The following TANC2 variants were observed in gnomAD, a reference collection of about 807,000 sequenced individuals.
The protein encoded by TANC2 is protein TANC2.
TANC2 carries 26 observed loss-of-function variants against 210.5 expected under a neutral mutation model. That is an observed-to-expected ratio of 0.12 (90% CI 0.09 to 0.17). The LOEUF (loss-of-function observed/expected upper bound fraction) is 0.17. Among genes scored for constraint, TANC2 ranks in the 10% least tolerant of loss-of-function variants. The pLI, the probability that TANC2 is intolerant of heterozygous loss-of-function variation, is 1.00. For missense variants in TANC2, 2,129 were observed against 2,608.9 expected (o/e 0.82, Z 4.01); for synonymous variants, 931 against 967.1 (o/e 0.96, Z 0.69).
intron 2 of TANC2, among the ~76,000 whole-genome samples, chr17:63,055,981 AAAAAAAAAAATAT>A (rs1420410558): frequency 1.3e-3 from 44 of 33,632 alleles, no homozygotes; most frequent in African/African-American, 1.7e-3. Flanking sequence ...AAAAAAAAAA[AAAAAAAAAAATAT>A]ATATATATAT....
chr17:63,148,692 ACTTT>A (rs1312794862), intron 4 of TANC2: 1 of 152,038 alleles, frequency 6.6e-6, no homozygotes, highest in Non-Finnish European at 1.5e-5. Context: ...CATCTCAACC[ACTTT>A]CTTTCTTCTT....
chr17:63,191,568 T>G (rs1227785504), intron 5 of TANC2, among the ~76,000 whole-genome samples: 1 of 151,946 alleles, frequency 6.6e-6, no homozygotes, highest in Non-Finnish European at 1.5e-5. Context: ...GTTCAAGCAG[T>G]TCTCCTGCCT....
intron 7 of TANC2, among the ~76,000 whole-genome samples, chr17:63,217,927 GTAGT>G (rs1275810306): frequency 6.6e-6 from 1 of 152,026 alleles, no homozygotes; most frequent in Non-Finnish European, 1.5e-5. Flanking sequence ...ATCAATCAGT[GTAGT>G]TAATCATTAA....
chr17:63,128,037 ACTT>A (rs2038775671), intron 4 of TANC2, among the ~76,000 whole-genome samples: 1 of 152,128 alleles, frequency 6.6e-6, no homozygotes. Flanking sequence ...TGCCCATTGT[ACTT>A]CTTATTATGA....
At chr17:63,287,747 C>T (rs915421219) in intron 9 of TANC2, among the ~76,000 whole-genome samples, 1 of 151,478 alleles carries the variant, frequency 6.6e-6, no homozygotes, top group Admixed American at 6.6e-5. Context: ...ATGATCTCAG[C>T]TCACTGCAGT....
intron 7 of TANC2, among the ~76,000 whole-genome samples, chr17:63,229,949 A>G (rs2042428681): frequency 6.6e-6 from 1 of 151,898 alleles, no homozygotes; most frequent in Non-Finnish European, 1.5e-5. Flanking sequence ...GTGTCCCACC[A>G]TGCCCAGCTA....
At chr17:63,035,172 A>G (rs2034921184) in intron 2 of TANC2, among the ~76,000 whole-genome samples, 1 of 152,218 alleles carries the variant, frequency 6.6e-6, no homozygotes, top group African/African-American at 2.4e-5. Context: ...ATCCATCAAC[A>G]TAGAGAAAGA....
At chr17:62,984,403 A>C (rs1210027756) in intron 1 of TANC2, among the ~76,000 whole-genome samples, 3 of 151,686 alleles carry the variant, frequency 2.0e-5, no homozygotes, top group African/African-American at 7.3e-5. Flanking sequence ...TTCTGTTTTC[A>C]AAAAACCAAA....
At chr17:63,400,635 A>G (rs1599038262) in intron 19 of TANC2, among the ~76,000 whole-genome samples, 1 of 151,984 alleles carries the variant, frequency 6.6e-6, no homozygotes, top group East Asian at 1.9e-4. Flanking sequence ...ATTTATTTGT[A>G]ATATGATTTT....
At chr17:63,204,823 G>A (rs1393296894) in intron 7 of TANC2, among the ~76,000 whole-genome samples, 4 of 152,182 alleles carry the variant, frequency 2.6e-5, no homozygotes, top group South Asian at 2.1e-4. Flanking sequence ...AGTGGCTCAT[G>A]CCTGTAATCC....
In TANC2 at chr17:62,994,952, CAA is replaced by C. The variant is rs1255637959; in HGVS notation, c.-23-14583_-23-14582del. The stretch of plus-strand genomic sequence containing the variant: ...TACTGTGTTAAATGAAGAGCTTTAA[CAA>C]AGGCTACAAAGCTGATGTGTCATAT... On this transcript the variant is annotated intron_variant, in intron 1 of 27. Transcript: ENST00000689528. Among the ~76,000 whole-genome samples the C allele has an allele frequency of 2.0e-5, 3 of 152,252 alleles. No homozygotes were observed. The East Asian group carries it at 5.8e-4, about 29-fold the overall frequency.
chr17:63,221,268 T>C (rs532227976), intron 7 of TANC2, among the ~76,000 whole-genome samples: 173 of 151,090 alleles, frequency 1.1e-3, no homozygotes, highest in African/African-American at 4.1e-3. Flanking sequence ...CTGTCTCTAC[T>C]AAAAAAAATA....
intron 8 of TANC2, among the ~76,000 whole-genome samples, chr17:63,249,415 C>T (rs893375134): frequency 5.3e-5 from 8 of 152,096 alleles, no homozygotes; most frequent in Admixed American, 6.6e-5. Flanking sequence ...AGGCAGTCTA[C>T]GGTCATCCTT....
intron 14 of TANC2, among the ~76,000 whole-genome samples, chr17:63,378,436 G>A (rs1379431913): frequency 1.3e-5 from 2 of 151,864 alleles, no homozygotes; most frequent in African/African-American, 4.8e-5. Context: ...AGATTAAACA[G>A]AACAGAAATC....
chr17:63,358,951 A>G (rs2046868769), intron 14 of TANC2, among the ~76,000 whole-genome samples: 1 of 148,710 alleles, frequency 6.7e-6, no homozygotes, highest in South Asian at 2.1e-4. Flanking sequence ...TTTCCCTTCC[A>G]TAGGAACGGC....
At chr17:63,378,585 G>A (rs2047501405) in intron 14 of TANC2, among the ~76,000 whole-genome samples, 1 of 152,186 alleles carries the variant, frequency 6.6e-6, no homozygotes, top group Admixed American at 6.5e-5. Context: ...GAAAACTAAG[G>A]CAGTTCTGGA....
intron 2 of TANC2, among the ~76,000 whole-genome samples, chr17:63,016,093 A>G (rs2034096109): frequency 1.3e-5 from 2 of 152,188 alleles, no homozygotes; most frequent in Admixed American, 6.5e-5. Flanking sequence ...AGAGAAACAA[A>G]AGTGAGCAAA....
At chr17:63,355,341 C>T (rs764852217) in exon 14 of TANC2, 1 of 1,608,210 alleles carries the variant, frequency 6.2e-7, no homozygotes, top group Non-Finnish European at 8.5e-7. Flanking sequence ...TCGAGAATGG[C>T]TTATCTGGAG....
intron 9 of TANC2, among the ~76,000 whole-genome samples, chr17:63,285,248 AT>A (rs2044185502): frequency 6.6e-6 from 1 of 151,432 alleles, no homozygotes; most frequent in Non-Finnish European, 1.5e-5. Context: ...GTTTAAATTT[AT>A]CTTCTTGCTA....
Sources: allele counts gnomAD v4.1 joint callset (sites outside exome capture counted in the v4.1 genomes callset), GRCh38; gene constraint gnomAD v4.1.1; transcripts MANE v1.5; gene names NCBI Gene and HGNC (gene_info 2026-07-23, HGNC 2026-07-21).